Variants in OCM observed in about 807,000 individuals in gnomAD.
OCM encodes the protein oncomodulin.
A neutral mutation model predicts 14.1 loss-of-function variants in OCM; 18 were observed. That is an observed-to-expected ratio of 1.28 (90% CI 0.88 to 1.89). The LOEUF (loss-of-function observed/expected upper bound fraction) is 1.89, where lower values mean the gene tolerates loss of function less well. Ranked by LOEUF, OCM falls within the 40% of genes most tolerant of loss-of-function variation. OCM has a pLI of 0.00. For synonymous variants in OCM, 48 were observed against 51.0 expected (o/e 0.94, Z 0.25); for missense variants, 140 against 137.6 (o/e 1.02, Z -0.09).
upstream of OCM, chr7:5,880,658 C>G: frequency 2.2e-6 from 1 of 462,464 alleles, no homozygotes; most frequent in Non-Finnish European, 3.9e-6. Flanking sequence ...ACTGGGAAGG[C>G]TTAGGCAGGA....
At chr7:5,885,602 T>G (rs551922484) in intron 3 of OCM, among the ~76,000 whole-genome samples, 1 of 151,870 alleles carries the variant, frequency 6.6e-6, no homozygotes, top group East Asian at 1.9e-4. Context: ...TTTTTTTTCT[T>G]TCTTTCTTTC....
the OCM span, among the ~76,000 whole-genome samples, chr7:5,860,299 A>G: frequency 6.6e-6 from 1 of 150,406 alleles, no homozygotes. Flanking sequence ...CTTTTCTGCT[A>G]TAGCATTTCA....
At chr7:5,866,078 G>A in the OCM span, among the ~76,000 whole-genome samples, 1 of 151,844 alleles carries the variant, frequency 6.6e-6, no homozygotes, top group African/African-American at 2.4e-5. Flanking sequence ...CCTAGTGTCT[G>A]GGGAGGCTGA....
the OCM span, among the ~76,000 whole-genome samples, chr7:5,866,900 C>T: frequency 3.7e-4 from 56 of 152,292 alleles, no homozygotes; most frequent in African/African-American, 1.2e-3. Context: ...AACCGCCGTC[C>T]TGTGTCTATA....
rs1583173584 is a variant in OCM, at chr7:5,886,302, C to G, written c.*213C>G. On this transcript the variant is annotated 3_prime_UTR_variant, in exon 4 of 4. Transcript: ENST00000242104. ...TATATGCCCTGACAACTTCTGTAAGCCCCCCTTCCCCCAACAGGCAATGCC... is the reference window on the plus strand; with the variant it reads ...TATATGCCCTGACAACTTCTGTAAGGCCCCCTTCCCCCAACAGGCAATGCC... 1.8e-6 allele frequency: 1 copy of G among 555,888 alleles called. No homozygotes were observed. The highest frequency in any genetic ancestry group is 3.0e-5 in the Admixed American group (1 of 33,028). The allele number at this position is 555,888 out of a possible 1,614,324, so 34.4% of individuals were successfully genotyped here. A position where few individuals can be genotyped will look rare whatever the true frequency, so the allele number is the denominator to read the frequency against.
chr7:5,880,666 G>T, upstream of OCM: 1 of 478,930 alleles, frequency 2.1e-6, no homozygotes, highest in Non-Finnish European at 3.8e-6. Flanking sequence ...GGCTTAGGCA[G>T]GAGAATCACT....
chr7:5,884,909 C>A (rs561371717), intron 3 of OCM, among the ~76,000 whole-genome samples: 1 of 151,938 alleles, frequency 6.6e-6, no homozygotes, highest in South Asian at 2.1e-4. Flanking sequence ...CCCCTGAAGT[C>A]GGGAGTTCAA....
chr7:5,876,526 T>C (rs144219195), upstream of OCM, among the ~76,000 whole-genome samples: 5,100 of 152,260 alleles, frequency 0.033, 297 homozygotes, highest in African/African-American at 0.12. Flanking sequence ...TTTGCTATTT[T>C]TATTTATTCA....
upstream of OCM, among the ~76,000 whole-genome samples, chr7:5,877,394 G>A (rs1781115730): frequency 6.7e-6 from 1 of 148,488 alleles, no homozygotes; most frequent in Non-Finnish European, 1.5e-5. Context: ...CCTGAGCCCA[G>A]GAGGTCAAGG....
chr7:5,872,835 C>A, the OCM span, among the ~76,000 whole-genome samples: 3 of 152,034 alleles, frequency 2.0e-5, 1 homozygote, highest in Non-Finnish European at 4.4e-5. Flanking sequence ...GACCCTGCCA[C>A]ATCCCCCTCT....
chr7:5,868,723 C>G, the OCM span, among the ~76,000 whole-genome samples: 1 of 152,134 alleles, frequency 6.6e-6, no homozygotes, highest in Non-Finnish European at 1.5e-5. Context: ...AAGTCTGACA[C>G]CCATAACAGC....
chr7:5,861,437 A>G, the OCM span, among the ~76,000 whole-genome samples: 1 of 152,006 alleles, frequency 6.6e-6, no homozygotes, highest in Non-Finnish European at 1.5e-5. Flanking sequence ...AAAAAAAAGA[A>G]TCCCAGTTCT....
At chr7:5,874,040 AC>A in the OCM span, among the ~76,000 whole-genome samples, 1 of 143,940 alleles carries the variant, frequency 6.9e-6, no homozygotes, top group Non-Finnish European at 1.5e-5. Flanking sequence ...ACATGGTGAA[AC>A]CCCATCTCTA....
At chr7:5,877,513 C>G (rs1781118250), upstream of OCM, among the ~76,000 whole-genome samples, 1 of 151,444 alleles carries the variant, frequency 6.6e-6, no homozygotes, top group Non-Finnish European at 1.5e-5. Context: ...AAACATGAAT[C>G]CAGCTTTTAA....
upstream of OCM, among the ~76,000 whole-genome samples, chr7:5,878,875 TAAAAAAAAAAA>T (rs57901741): frequency 2.0e-5 from 2 of 102,016 alleles, no homozygotes; most frequent in Non-Finnish European, 1.9e-5. Context: ...TGCTGAAAGT[TAAAAAAAAAAA>T]AAAAAAAAAA....
the OCM span, among the ~76,000 whole-genome samples, chr7:5,874,033 T>A: frequency 6.8e-6 from 1 of 146,884 alleles, no homozygotes; most frequent in East Asian, 2.0e-4. Flanking sequence ...CTGGCCAACA[T>A]GGTGAAACCC....
the OCM span, among the ~76,000 whole-genome samples, chr7:5,871,412 T>G: frequency 2.6e-5 from 4 of 151,886 alleles, no homozygotes; most frequent in African/African-American, 7.2e-5. Flanking sequence ...TAGGCTGGTC[T>G]TAAACTCCTG....
the OCM span, among the ~76,000 whole-genome samples, chr7:5,871,172 GCC>G: frequency 5.3e-3 from 782 of 147,788 alleles, 6 homozygotes; most frequent in African/African-American, 0.018. Context: ...CATAGTGAGA[GCC>G]CCCCCCCCGT....
the OCM span, among the ~76,000 whole-genome samples, chr7:5,861,591 C>T: frequency 1.3e-5 from 2 of 152,054 alleles, no homozygotes; most frequent in Non-Finnish European, 2.9e-5. Context: ...TTGGGTAATG[C>T]ATTTCTTATT....
Sources: allele counts gnomAD v4.1 joint callset (sites outside exome capture counted in the v4.1 genomes callset), GRCh38; gene constraint gnomAD v4.1.1; transcripts MANE v1.5; gene names NCBI Gene and HGNC (gene_info 2026-07-23, HGNC 2026-07-21).